ZFP91: variants seen among roughly 807,000 people sequenced by gnomAD.
ZFP91 encodes the protein E3 ubiquitin-protein ligase ZFP91.
ZFP91 carries 7 observed loss-of-function variants against 63.5 expected under a neutral mutation model. That is an observed-to-expected ratio of 0.11 (90% CI 0.06 to 0.21). The LOEUF (loss-of-function observed/expected upper bound fraction) is 0.21, where lower values mean the gene tolerates loss of function less well. ZFP91 is among the 10% of genes least tolerant of loss of function. The pLI, the probability that ZFP91 is intolerant of heterozygous loss-of-function variation, is 1.00. For synonymous variants in ZFP91, 330 were observed against 272.1 expected, an observed-to-expected ratio of 1.21 and a Z score of -2.10; for missense variants, 628 against 736.6, an observed-to-expected ratio of 0.85 and a Z score of 1.71.
At position 58,596,702 on chromosome 11, in the gene ZFP91, C is replaced by CTT. The variant is rs35724497; in HGVS notation, c.370+11831_370+11832dup. ...TTCACCATCACCACCCCACCACCAC[C>CTT]TTTTTTTTTTTTTTGCCATATTCAC... On this transcript the variant is annotated intron_variant, in intron 2 of 10. Coordinates refer to ENST00000316059, the MANE Select transcript of ZFP91 (RefSeq NM_053023.5). Among the ~76,000 whole-genome samples, 537 of 141,428 alleles carry CTT rather than the reference C, an allele frequency of 3.8e-3. 2 individuals carry two copies. The highest frequency in any genetic ancestry group is 0.016 in the South Asian group (70 of 4,474). 92.8% of individuals were successfully genotyped at this position (141,428 alleles called of 152,430 possible). A position where few individuals can be genotyped will look rare whatever the true frequency, so the allele number is the denominator to read the frequency against.
At chr11:58,602,607 T>C (rs1052719864) in intron 2 of ZFP91, among the ~76,000 whole-genome samples, 1 of 152,156 alleles carries the variant, frequency 6.6e-6, no homozygotes, top group Non-Finnish European at 1.5e-5. Flanking sequence ...AGGGCCACCT[T>C]TACGAGTTGA....
At chr11:58,612,087 T>C (rs1855674368) in intron 6 of ZFP91, 191 bp from the exon 7 acceptor site, 2 of 620,588 alleles carry the variant, frequency 3.2e-6, no homozygotes, top group African/African-American at 3.7e-5. Flanking sequence ...TACAGACTGA[T>C]TTGAAAGTGA....
intron 2 of ZFP91, among the ~76,000 whole-genome samples, chr11:58,588,614 T>G (rs747456838): frequency 5.3e-5 from 8 of 152,162 alleles, no homozygotes; most frequent in Non-Finnish European, 1.2e-4. Flanking sequence ...TCCTCTCAAA[T>G]CAGTCTCTTG....
At position 58,618,611 on chromosome 11, in the gene ZFP91, G is replaced by A. The variant is rs910685575; in HGVS notation, c.*905G>A. The A allele has an allele frequency of 5.0e-5, 21 of 421,130 alleles. No individual in the cohort carries two copies. The highest frequency in any genetic ancestry group is 2.3e-5 in the Non-Finnish European group (5 of 214,486). 26.1% of individuals were successfully genotyped at this position (421,130 alleles called of 1,614,324 possible). A position where few individuals can be genotyped will look rare whatever the true frequency, so the allele number is the denominator to read the frequency against. The stretch of plus-strand genomic sequence containing the variant: ...TTTGGAGTCTTTGTTGCTATATTTT[G>A]TGGGGCTGGGAGAGAGAGATTAGAT... On this transcript the variant is annotated 3_prime_UTR_variant, in exon 11 of 11. Transcript: ENST00000316059.
intron 2 of ZFP91, among the ~76,000 whole-genome samples, chr11:58,607,741 A>G (rs956770675): frequency 3.9e-5 from 6 of 152,140 alleles, no homozygotes; most frequent in African/African-American, 1.4e-4. Context: ...TACTGTATAT[A>G]TAGTTTTGTG....
At chr11:58,579,914 C>G (rs1243926629) in intron 1 of ZFP91, among the ~76,000 whole-genome samples, 1 of 152,132 alleles carries the variant, frequency 6.6e-6, no homozygotes, top group Non-Finnish European at 1.5e-5. Context: ...CCCGCAGGCT[C>G]ATCCCTCTTT....
In ZFP91 at chr11:58,618,035, C is replaced by T. The variant is rs1855780254; in HGVS notation, c.*329C>T. 4.4e-6 allele frequency: 1 copy of T among 227,578 alleles called. No individual in the cohort carries two copies. The highest frequency in any genetic ancestry group is 2.3e-5 in the African/African-American group (1 of 44,194). The allele number at this position is 227,578 out of a possible 1,614,324, so 14.1% of individuals were successfully genotyped here. ...CTCATCGGCAGATCCCCCTTTCCAA[C>T]CTGTAACTCTGATGTGCTCTGGATC... On this transcript the variant is annotated 3_prime_UTR_variant, in exon 11 of 11. Coordinates refer to ENST00000316059, the MANE Select transcript of ZFP91 (RefSeq NM_053023.5).
chr11:58,617,514 C>T lies in ZFP91; in HGVS notation c.1521C>T (p.Cys507=). ...EPLGNSTSGE[C]LLLEAEGMSK... ...TGGGAAACTCAACCTCTGGAGAGTG[C>T]CTACTGTTAGAAGCTGAAGGGATGT... The change falls in exon 11 of 11, where the codon TGC becomes TGT. Residue 507 remains cysteine, a synonymous_variant. Transcript: ENST00000316059. The surrounding 1 kb of genome is among the most constrained non-coding windows in gnomAD (Gnocchi z 4.2). The T allele has an allele frequency of 6.2e-7, 1 of 1,614,078 alleles. No homozygotes were observed. Among genetic ancestry groups the T allele is most frequent in the Non-Finnish European group, 8.5e-7 (1 of 1,179,998 alleles).
chr11:58,614,965 A>T (rs1590630711), intron 9 of ZFP91, among the ~76,000 whole-genome samples: 1 of 152,310 alleles, frequency 6.6e-6, no homozygotes, highest in African/African-American at 2.4e-5. Context: ...TGTCCCAGAC[A>T]CTTGATAATT....
chr11:58,616,327 A>C (rs1855748285), intron 9 of ZFP91, among the ~76,000 whole-genome samples: 1 of 152,036 alleles, frequency 6.6e-6, no homozygotes, highest in Non-Finnish European at 1.5e-5. Context: ...CTGTGTAATC[A>C]TTCAGTTTTC....
rs1429286321 is a variant in ZFP91, at chr11:58,617,518, C to T, written c.1525C>T (p.Leu509=). The T allele has an allele frequency of 6.2e-7, 1 of 1,613,956 alleles. No individual in the cohort carries two copies. Among genetic ancestry groups the T allele is most frequent in the African/African-American group, 1.3e-5 (1 of 74,906 alleles). ...AAACTCAACCTCTGGAGAGTGCCTA[C>T]TGTTAGAAGCTGAAGGGATGTCAAA... The part of the protein sequence containing the change: ...LGNSTSGECL[L]LEAEGMSKSY... The change falls in exon 11 of 11, where the codon CTG becomes TTG. Residue 509 remains leucine, a synonymous_variant. Coordinates refer to ENST00000316059, the MANE Select transcript of ZFP91 (RefSeq NM_053023.5). This position sits in a 1 kb window ranked among gnomAD's most constrained non-coding sequence, Gnocchi z 4.2.
intron 2 of ZFP91, among the ~76,000 whole-genome samples, chr11:58,586,157 T>C (rs1202258984): frequency 6.6e-6 from 1 of 152,194 alleles, no homozygotes; most frequent in Non-Finnish European, 1.5e-5. Context: ...GGAGAAAATA[T>C]AGAGACAGGT....
intron 9 of ZFP91, among the ~76,000 whole-genome samples, chr11:58,615,943 G>A: frequency 6.6e-6 from 1 of 152,090 alleles, no homozygotes; most frequent in Non-Finnish European, 1.5e-5. Context: ...TATATAGAGA[G>A]CATCTCTTTG....
At chr11:58,599,577 C>T (rs938289293) in intron 2 of ZFP91, among the ~76,000 whole-genome samples, 1 of 151,966 alleles carries the variant, frequency 6.6e-6, no homozygotes, top group Non-Finnish European at 1.5e-5. Flanking sequence ...TTTTGATTTG[C>T]ATTTCGTTAA....
Position 58,587,804 on chromosome 11 carries a change from T to C in ZFP91, c.370+2920T>C, listed in dbSNP as rs570330044. Among the ~76,000 whole-genome samples, 20 of 152,284 alleles carry C rather than the reference T, an allele frequency of 1.3e-4. No homozygotes were observed. The South Asian group carries it at 3.9e-3, about 30-fold the overall frequency. On this transcript the variant is annotated intron_variant, in intron 2 of 10. Coordinates refer to ENST00000316059, the MANE Select transcript of ZFP91 (RefSeq NM_053023.5). ...TAATTTTTTTTTCTCCCATCTGTTA[T>C]GTCCTTAGTGAGGAATAATAGTTAA...
chr11:58,601,528 T>C (rs1288730804), intron 2 of ZFP91, among the ~76,000 whole-genome samples: 1 of 152,198 alleles, frequency 6.6e-6, no homozygotes, highest in Non-Finnish European at 1.5e-5. Context: ...ATTTACTTTA[T>C]TCTGCTAGCT....
intron 4 of ZFP91, 137 bp downstream of exon 4, chr11:58,610,471 A>T: frequency 1.3e-6 from 1 of 764,770 alleles, no homozygotes; most frequent in East Asian, 2.8e-5. Flanking sequence ...TACTGCATTT[A>T]GATTCCATGT....
Position 58,618,752 on chromosome 11 carries a change from T to C in ZFP91, c.*1046T>C. 1 of 452,000 alleles carries C rather than the reference T, an allele frequency of 2.2e-6. No individual in the cohort carries two copies. 28.0% of individuals were successfully genotyped at this position (452,000 alleles called of 1,614,324 possible). A position where few individuals can be genotyped will look rare whatever the true frequency, so the allele number is the denominator to read the frequency against. ...TCCAGTGGCTTTTAAAGAAAGCTGG[T>C]CCTCAGCACTAACAAAATCACTACA... On this transcript the variant is annotated 3_prime_UTR_variant, in exon 11 of 11. Coordinates refer to ENST00000316059, the MANE Select transcript of ZFP91 (RefSeq NM_053023.5).
Position 58,609,858 on chromosome 11 carries a change from C to A in ZFP91, c.399C>A (p.Asp133Glu). Reference sequence around the variant, plus strand: ...CCAAGGAAGAAAAAGAGGAAGAAGACGATTCTGCCCTCCCTCAGGAAGTTT... The same window carrying A: ...CCAAGGAAGAAAAAGAGGAAGAAGAAGATTCTGCCCTCCCTCAGGAAGTTT... Reference protein sequence around the residue: ...KDPKEEKEEEDDSALPQEVSI... With the variant: ...KDPKEEKEEEEDSALPQEVSI... The change falls in exon 3 of 11, where the codon GAC becomes GAA. Residue 133 changes from aspartate (D) to glutamate (E), a missense_variant. Coordinates refer to ENST00000316059, the MANE Select transcript of ZFP91 (RefSeq NM_053023.5). 5.0e-6 allele frequency: 8 copies of A among 1,614,142 alleles called. No individual in the cohort carries two copies. Among genetic ancestry groups the A allele is most frequent in the Non-Finnish European group, 6.8e-6 (8 of 1,180,006 alleles).
Sources: allele counts gnomAD v4.1 joint callset (sites outside exome capture counted in the v4.1 genomes callset), GRCh38; gene constraint gnomAD v4.1.1; non-coding constraint Gnocchi (gnomAD v3.1); transcripts MANE v1.5; gene names NCBI Gene and HGNC (gene_info 2026-07-23, HGNC 2026-07-21).